The following DPP10 variants were observed in gnomAD, a reference collection of about 807,000 sequenced individuals.
The protein encoded by DPP10 is inactive dipeptidyl peptidase 10.
In DPP10, 33 loss-of-function variants were observed where a neutral mutation model predicts 120.9. The ratio of observed to expected loss-of-function variants is 0.27; its 90% CI spans 0.21 to 0.37. DPP10 has a LOEUF of 0.37. DPP10 is among the 10% of genes least tolerant of loss of function. The pLI, the probability that DPP10 is intolerant of heterozygous loss-of-function variation, is 1.00. For synonymous variants in DPP10, 337 were observed against 326.1 expected (o/e 1.03, Z -0.36); for missense variants, 816 against 942.8 (o/e 0.87, Z 1.76).
intron 1 of DPP10, among the ~76,000 whole-genome samples, chr2:114,803,803 CA>C (rs945049009): frequency 3.3e-5 from 5 of 152,168 alleles, no homozygotes; most frequent in African/African-American, 1.2e-4. Context: ...GGAAATTTTG[CA>C]GCCTGATTAT....
chr2:115,695,445 A>C (rs578154328), intron 7 of DPP10, among the ~76,000 whole-genome samples: 12 of 152,222 alleles, frequency 7.9e-5, no homozygotes, highest in African/African-American at 2.9e-4. Flanking sequence ...GGAGGCCTCA[A>C]AATCATGGTG....
chr2:115,356,984 A>G (rs927141977), intron 3 of DPP10, among the ~76,000 whole-genome samples: 1 of 152,200 alleles, frequency 6.6e-6, no homozygotes, highest in African/African-American at 2.4e-5. Context: ...ATTATCACCA[A>G]CAATGTTTAA....
intron 1 of DPP10, among the ~76,000 whole-genome samples, chr2:115,199,357 A>G (rs906522573): frequency 1.3e-5 from 2 of 152,040 alleles, no homozygotes; most frequent in Non-Finnish European, 2.9e-5. Context: ...TGTAGAGACT[A>G]TCACTGTCAG....
At chr2:115,648,571 A>T (rs1310611371) in intron 5 of DPP10, among the ~76,000 whole-genome samples, 2 of 151,904 alleles carry the variant, frequency 1.3e-5, no homozygotes, top group Non-Finnish European at 2.9e-5. Context: ...ATGTTTACCC[A>T]TGTAACAAAC....
chr2:115,822,508 T>C (rs1049718735), intron 21 of DPP10, among the ~76,000 whole-genome samples: 1 of 152,046 alleles, frequency 6.6e-6, no homozygotes, highest in African/African-American at 2.4e-5. Flanking sequence ...GGATTTCTTA[T>C]GTGAATTGTA....
At chr2:115,472,376 T>A (rs920189261) in intron 3 of DPP10, among the ~76,000 whole-genome samples, 1 of 152,182 alleles carries the variant, frequency 6.6e-6, no homozygotes, top group African/African-American at 2.4e-5. Flanking sequence ...TTTTAAAAAA[T>A]TTCAAGTAGA....
chr2:115,248,256 A>C (rs1168716399), intron 1 of DPP10, among the ~76,000 whole-genome samples: 1 of 152,126 alleles, frequency 6.6e-6, no homozygotes, highest in Admixed American at 6.6e-5. Flanking sequence ...CTAGGACTCA[A>C]GTATGAGTCC....
At chr2:115,387,997 A>G (rs865841274) in intron 3 of DPP10, among the ~76,000 whole-genome samples, 9 of 152,234 alleles carry the variant, frequency 5.9e-5, no homozygotes, top group African/African-American at 1.2e-4. Context: ...CCTGACAGCT[A>G]ACTTACAGAA....
intron 1 of DPP10, among the ~76,000 whole-genome samples, chr2:114,593,822 TTCCTTCC>T (rs1691660343): frequency 2.6e-5 from 4 of 152,084 alleles, no homozygotes; most frequent in Non-Finnish European, 5.9e-5. Flanking sequence ...CCAAGCTCCC[TTCCTTCC>T]TTACTTTATA....
intron 1 of DPP10, among the ~76,000 whole-genome samples, chr2:114,913,221 C>A (rs1300344627): frequency 6.6e-6 from 1 of 152,206 alleles, no homozygotes. Flanking sequence ...TACCCATGCA[C>A]AGCCTTCCCC....
At chr2:114,571,661 AAATTCTGAC>A (rs1197902476) in intron 1 of DPP10, among the ~76,000 whole-genome samples, 1 of 152,030 alleles carries the variant, frequency 6.6e-6, no homozygotes, top group African/African-American at 2.4e-5. Flanking sequence ...CTATTGATGA[AAATTCTGAC>A]AATTAATTGA....
At chr2:115,347,475 C>T (rs1316341971) in intron 3 of DPP10, among the ~76,000 whole-genome samples, 1 of 151,922 alleles carries the variant, frequency 6.6e-6, no homozygotes, top group Non-Finnish European at 1.5e-5. Context: ...AAGAGGGATG[C>T]TAGTTTCTTT....
At chr2:114,871,823 A>G (rs577817791) in intron 1 of DPP10, among the ~76,000 whole-genome samples, 1 of 152,236 alleles carries the variant, frequency 6.6e-6, no homozygotes, top group African/African-American at 2.4e-5. Context: ...TTTCATCTGT[A>G]TTTATAGCCA....
intron 2 of DPP10, among the ~76,000 whole-genome samples, chr2:115,327,260 G>A (rs1398737386): frequency 6.6e-6 from 1 of 151,958 alleles, no homozygotes; most frequent in Non-Finnish European, 1.5e-5. Context: ...GTTTGTGTAA[G>A]TACATTCTAC....
At chr2:115,422,482 AT>A (rs1342758510) in intron 3 of DPP10, among the ~76,000 whole-genome samples, 1 of 152,168 alleles carries the variant, frequency 6.6e-6, no homozygotes. Flanking sequence ...AGACAAAATT[AT>A]TTACTCAAGA....
At chr2:115,406,870 A>G (rs76416190) in intron 3 of DPP10, among the ~76,000 whole-genome samples, 2,197 of 152,326 alleles carry the variant, frequency 0.014, 51 homozygotes, top group African/African-American at 0.05. Context: ...CTTAATTGAT[A>G]GAGAAAGAAC....
intron 1 of DPP10, among the ~76,000 whole-genome samples, chr2:114,483,449 T>C (rs2104691297): frequency 6.6e-6 from 1 of 152,022 alleles, no homozygotes; most frequent in East Asian, 1.9e-4. Flanking sequence ...AAAATAATCG[T>C]ATTCTTTTTT....
chr2:115,299,794 A>G (rs529976464), intron 1 of DPP10, among the ~76,000 whole-genome samples: 1 of 152,172 alleles, frequency 6.6e-6, no homozygotes, highest in Non-Finnish European at 1.5e-5. Flanking sequence ...ATTGTTTTCA[A>G]AATTATTATT....
intron 1 of DPP10, among the ~76,000 whole-genome samples, chr2:114,680,313 C>A (rs1367482621): frequency 6.6e-6 from 1 of 151,928 alleles, no homozygotes; most frequent in Admixed American, 6.6e-5. Flanking sequence ...ACTACAGAGC[C>A]ATTTTCTCAC....
Sources: allele counts gnomAD v4.1 joint callset (sites outside exome capture counted in the v4.1 genomes callset), GRCh38; gene constraint gnomAD v4.1.1; transcripts MANE v1.5; gene names NCBI Gene and HGNC (gene_info 2026-07-23, HGNC 2026-07-21).